Variants in GPM6A observed in about 807,000 individuals in gnomAD.
GPM6A encodes neuronal membrane glycoprotein M6-a.
GPM6A carries 7 observed loss-of-function variants against 32.1 expected under a neutral mutation model. That is an observed-to-expected ratio of 0.22 (90% confidence interval 0.12 to 0.41). The LOEUF (loss-of-function observed/expected upper bound fraction) is 0.41, where lower values mean the gene tolerates loss of function less well. Among genes scored for constraint, GPM6A ranks in the 10% least tolerant of loss-of-function variants. The probability of loss-of-function intolerance (pLI) is 1.00; values close to 1 mark genes in which losing one functional copy is unlikely to be tolerated. For synonymous variants in GPM6A, 130 were observed against 123.4 expected (o/e 1.05, Z -0.35); for missense variants, 235 against 347.2 (o/e 0.68, Z 2.57).
intron 1 of GPM6A, among the ~76,000 whole-genome samples, chr4:175,780,658 A>T (rs895304219): frequency 6.6e-6 from 1 of 152,214 alleles, no homozygotes; most frequent in Non-Finnish European, 1.5e-5. Context: ...TTTAAAATGT[A>T]TCTTAATGTT....
At chr4:175,810,916 T>C (rs1336862638) in intron 1 of GPM6A, among the ~76,000 whole-genome samples, 1 of 152,198 alleles carries the variant, frequency 6.6e-6, no homozygotes, top group Admixed American at 6.5e-5. Flanking sequence ...TCACATGCTA[T>C]TAATGTAGAT....
chr4:175,724,197 G>A (rs1399418765), intron 1 of GPM6A, among the ~76,000 whole-genome samples: 1 of 152,220 alleles, frequency 6.6e-6, no homozygotes, highest in Non-Finnish European at 1.5e-5. Context: ...AGGGAAATAA[G>A]CCAGGTGCAG....
At chr4:175,716,196 A>G (rs1455520602) in intron 1 of GPM6A, among the ~76,000 whole-genome samples, 1 of 152,210 alleles carries the variant, frequency 6.6e-6, no homozygotes, top group Non-Finnish European at 1.5e-5. Context: ...TCAACAACCA[A>G]CTAAGACAGA....
intron 4 of GPM6A, among the ~76,000 whole-genome samples, chr4:175,650,803 T>A (rs1428806290): frequency 6.6e-6 from 1 of 152,168 alleles, no homozygotes; most frequent in Non-Finnish European, 1.5e-5. Flanking sequence ...GTCTCCTACT[T>A]TTCTGAAGTA....
intron 4 of GPM6A, among the ~76,000 whole-genome samples, chr4:175,645,046 G>A (rs1312705446): frequency 1.3e-5 from 2 of 152,092 alleles, no homozygotes; most frequent in Non-Finnish European, 2.9e-5. Context: ...GTTGCAGTGA[G>A]ACGAGATCAC....
intron 1 of GPM6A, among the ~76,000 whole-genome samples, chr4:175,955,139 G>A (rs1020920515): frequency 1.3e-5 from 2 of 152,206 alleles, no homozygotes; most frequent in African/African-American, 2.4e-5. Flanking sequence ...ATGGCTGGAC[G>A]AAGCCTGCAC....
At chr4:175,636,832 T>A (rs1740646214) in intron 6 of GPM6A, among the ~76,000 whole-genome samples, 1 of 144,784 alleles carries the variant, frequency 6.9e-6, no homozygotes, top group African/African-American at 2.5e-5. Flanking sequence ...ATATATATTA[T>A]ATATAAAATA....
At chr4:175,668,441 A>G (rs1412682019) in intron 3 of GPM6A, among the ~76,000 whole-genome samples, 1 of 151,096 alleles carries the variant, frequency 6.6e-6, no homozygotes, top group Non-Finnish European at 1.5e-5. Context: ...AAAAAAAATG[A>G]TGTTGTCTTA....
chr4:175,946,894 A>T (rs562718995), intron 1 of GPM6A, among the ~76,000 whole-genome samples: 1 of 152,222 alleles, frequency 6.6e-6, no homozygotes, highest in South Asian at 2.1e-4. Context: ...TTATTCACGC[A>T]CAACTTCTGC....
chr4:175,827,442 C>A (rs1455032118), intron 1 of GPM6A, among the ~76,000 whole-genome samples: 1 of 152,124 alleles, frequency 6.6e-6, no homozygotes, highest in Non-Finnish European at 1.5e-5. Context: ...AACACAGAAA[C>A]AGAACAAGTG....
chr4:175,884,617 C>T (rs184670871), intron 1 of GPM6A, among the ~76,000 whole-genome samples: 248 of 152,100 alleles, frequency 1.6e-3, no homozygotes, highest in African/African-American at 5.8e-3. Context: ...CTGCAAGCTC[C>T]ACCTCCTGGG....
chr4:175,660,540 TATA>T (rs1742349259), intron 3 of GPM6A, among the ~76,000 whole-genome samples: 1 of 152,076 alleles, frequency 6.6e-6, no homozygotes, highest in Non-Finnish European at 1.5e-5. Context: ...TTCTTAGAAA[TATA>T]ATGCTGAATA....
At chr4:175,901,782 A>G (rs1439338120) in intron 1 of GPM6A, among the ~76,000 whole-genome samples, 1 of 151,094 alleles carries the variant, frequency 6.6e-6, no homozygotes, top group Non-Finnish European at 1.5e-5. Context: ...ACCAGCCACC[A>G]CGCCCAGCTA....
intron 1 of GPM6A, among the ~76,000 whole-genome samples, chr4:175,872,887 G>C (rs1488847001): frequency 1.3e-5 from 2 of 152,058 alleles, no homozygotes; most frequent in African/African-American, 4.8e-5. Context: ...GTCTTATTAG[G>C]ATGAATTAAA....
chr4:175,657,391 G>A (rs1742137412), intron 3 of GPM6A, among the ~76,000 whole-genome samples: 1 of 152,250 alleles, frequency 6.6e-6, no homozygotes, highest in Non-Finnish European at 1.5e-5. Context: ...CCTCTCTCAT[G>A]CTAATTGTAT....
intron 2 of GPM6A, among the ~76,000 whole-genome samples, chr4:175,688,240 A>G (rs1433486273): frequency 2.0e-5 from 3 of 152,162 alleles, no homozygotes; most frequent in Non-Finnish European, 4.4e-5. Context: ...TTTGTGACCT[A>G]TGACTTTTGT....
intron 1 of GPM6A, among the ~76,000 whole-genome samples, chr4:175,855,742 G>C (rs1412423662): frequency 6.6e-6 from 1 of 152,114 alleles, no homozygotes; most frequent in East Asian, 1.9e-4. Flanking sequence ...TGATCCATTT[G>C]GTAATGGATT....
chr4:175,749,656 C>T (rs1476738058), intron 1 of GPM6A, among the ~76,000 whole-genome samples: 2 of 152,102 alleles, frequency 1.3e-5, no homozygotes, highest in African/African-American at 2.4e-5. Flanking sequence ...TATATCTTGA[C>T]CCCCATAACC....
chr4:175,871,578 T>C (rs1441047776), intron 1 of GPM6A, among the ~76,000 whole-genome samples: 1 of 152,218 alleles, frequency 6.6e-6, no homozygotes, highest in African/African-American at 2.4e-5. Flanking sequence ...TCACAATAGC[T>C]TTCTCTCTTT....
Sources: allele counts gnomAD v4.1 joint callset (sites outside exome capture counted in the v4.1 genomes callset), GRCh38; gene constraint gnomAD v4.1.1; transcripts MANE v1.5; gene names NCBI Gene and HGNC (gene_info 2026-07-23, HGNC 2026-07-21).